Variants in SPOPL observed in about 807,000 individuals in gnomAD.
SPOPL encodes speckle-type POZ protein-like.
A neutral mutation model predicts 53.8 loss-of-function variants in SPOPL; 23 were observed. The ratio of observed to expected loss-of-function variants is 0.43; its 90% CI spans 0.31 to 0.61. The LOEUF (loss-of-function observed/expected upper bound fraction) is 0.61. Among genes scored for constraint, SPOPL ranks in the 20% least tolerant of loss-of-function variants. The probability of loss-of-function intolerance (pLI) is 0.12; values close to 1 mark genes in which losing one functional copy is unlikely to be tolerated. For synonymous variants in SPOPL, 164 were observed against 149.7 expected (o/e 1.10, Z -0.70); for missense variants, 442 against 466.9 (o/e 0.95, Z 0.49).
intron 1 of SPOPL, among the ~76,000 whole-genome samples, chr2:138,536,661 G>T (rs1573888112): frequency 6.6e-6 from 1 of 150,904 alleles, no homozygotes; most frequent in South Asian, 2.1e-4. Context: ...GTTTTTTTTT[G>T]GGCAAATCAG....
intron 10 of SPOPL, among the ~76,000 whole-genome samples, chr2:138,565,871 C>T (rs28615772): frequency 0.11 from 17,322 of 151,258 alleles, 1,304 homozygotes; most frequent in African/African-American, 0.2. Flanking sequence ...GTAGCTGGAA[C>T]TACAGGCGCC....
intron 1 of SPOPL, among the ~76,000 whole-genome samples, chr2:138,527,110 C>T (rs534433360): frequency 6.6e-6 from 1 of 152,216 alleles, no homozygotes; most frequent in African/African-American, 2.4e-5. Context: ...TTTAGTCTGA[C>T]TTGTTCCTTT....
rs941694565 is a variant in SPOPL at position 138,571,218 on chromosome 2, T to C, written c.*2138T>C. On this transcript the variant is annotated 3_prime_UTR_variant, in exon 11 of 11. Transcript: ENST00000280098. The stretch of plus-strand genomic sequence containing the variant: ...ATGTTGTCATATATCAGAAAAGTAC[T>C]GATGTATCCATTTATATCCAATGCG... The C allele has an allele frequency of 6.6e-6, 1 of 152,428 alleles. No homozygotes were observed. Among genetic ancestry groups the C allele is most frequent in the Non-Finnish European group, 1.5e-5 (1 of 68,026 alleles). The allele number at this position is 152,428 out of a possible 1,614,324, so 9.4% of individuals were successfully genotyped here. A position where few individuals can be genotyped will look rare whatever the true frequency, so the allele number is the denominator to read the frequency against.
intron 1 of SPOPL, among the ~76,000 whole-genome samples, 198 bp from the exon 2 acceptor site, chr2:138,549,959 A>G (rs1260485645): frequency 6.6e-6 from 1 of 152,116 alleles, no homozygotes; most frequent in Non-Finnish European, 1.5e-5. Context: ...TATAAATACT[A>G]AGTTTGTTTA....
chr2:138,535,744 TCTC>T (rs1260672317), intron 1 of SPOPL, among the ~76,000 whole-genome samples: 2 of 152,096 alleles, frequency 1.3e-5, no homozygotes. Flanking sequence ...CTGTCTTTCT[TCTC>T]CTTCTGATAC....
rs1305495096 is a variant in SPOPL at position 138,564,953 on chromosome 2, C to G, written c.994C>G (p.Arg332Gly). Residue 332 changes from arginine (R) to glycine (G), a missense_variant, in exon 10 of 11, where the codon CGA becomes GGA. Transcript: ENST00000280098. ...TCTTCAATGCAGGTGCAGTGTACTT[C>G]GACAACTTGGGTGTAAAGATGGGAA... is the stretch of plus-strand genomic sequence containing the variant. ...IDFINRCSVL[R>G]QLGCKDGKNW... 6.2e-7 allele frequency: 1 copy of G among 1,613,984 alleles called. No homozygotes were observed.
chr2:138,539,560 G>T (rs1285524204), intron 1 of SPOPL, among the ~76,000 whole-genome samples: 2 of 151,826 alleles, frequency 1.3e-5, no homozygotes, highest in Non-Finnish European at 2.9e-5. Context: ...TTTGAGAACT[G>T]TTGGTTCATA....
intron 1 of SPOPL, among the ~76,000 whole-genome samples, chr2:138,510,154 G>A (rs1684296716): frequency 6.6e-6 from 1 of 152,094 alleles, no homozygotes; most frequent in South Asian, 2.1e-4. Flanking sequence ...TACAAGTTTT[G>A]CAGATTATGA....
At chr2:138,527,591 T>C (rs936920133) in intron 1 of SPOPL, among the ~76,000 whole-genome samples, 5 of 152,234 alleles carry the variant, frequency 3.3e-5, no homozygotes, top group African/African-American at 1.2e-4. Flanking sequence ...AATTGTACTT[T>C]AAGAGAAATT....
At chr2:138,509,160 A>G (rs1322725409) in intron 1 of SPOPL, among the ~76,000 whole-genome samples, 5 of 152,170 alleles carry the variant, frequency 3.3e-5, no homozygotes. Context: ...GTATATGTAT[A>G]TATACCTAAA....
At chr2:138,549,589 T>G (rs1313136862) in intron 1 of SPOPL, among the ~76,000 whole-genome samples, 1 of 152,142 alleles carries the variant, frequency 6.6e-6, no homozygotes, top group African/African-American at 2.4e-5. Context: ...AGAAGCACTC[T>G]GTTAGGGATG....
intron 1 of SPOPL, among the ~76,000 whole-genome samples, chr2:138,530,826 G>A (rs1684789752): frequency 6.6e-6 from 1 of 151,736 alleles, no homozygotes; most frequent in Non-Finnish European, 1.5e-5. Context: ...TTGCCTTAAG[G>A]TACTGGATAG....
chr2:138,536,342 C>CA, intron 1 of SPOPL, among the ~76,000 whole-genome samples: 1 of 76,692 alleles, frequency 1.3e-5, no homozygotes, highest in African/African-American at 5.5e-5. Context: ...TTAGTGCCCC[C>CA]CCCCCACACA....
At chr2:138,503,654 G>A (rs1279128374) in intron 1 of SPOPL, among the ~76,000 whole-genome samples, 2 of 152,176 alleles carry the variant, frequency 1.3e-5, no homozygotes, top group African/African-American at 4.8e-5. Context: ...GCTACAGATA[G>A]GTCAGTCCTT....
chr2:138,525,866 A>G (rs1367627790), intron 1 of SPOPL, among the ~76,000 whole-genome samples: 1 of 151,524 alleles, frequency 6.6e-6, no homozygotes, highest in Non-Finnish European at 1.5e-5. Flanking sequence ...TAATTGTATC[A>G]ATTTTTGCAT....
chr2:138,520,366 C>T (rs1250361958), intron 1 of SPOPL, among the ~76,000 whole-genome samples: 1 of 152,132 alleles, frequency 6.6e-6, no homozygotes, highest in South Asian at 2.1e-4. Context: ...CTGGATGATC[C>T]TGTTCCTTTT....
At chr2:138,548,469 G>A (rs971513929) in intron 1 of SPOPL, among the ~76,000 whole-genome samples, 3 of 151,904 alleles carry the variant, frequency 2.0e-5, no homozygotes, top group African/African-American at 7.2e-5. Flanking sequence ...GAAATAATAA[G>A]GGAGATTATT....
intron 5 of SPOPL, among the ~76,000 whole-genome samples, chr2:138,556,550 A>G (rs919929026): frequency 6.6e-6 from 1 of 152,172 alleles, no homozygotes; most frequent in African/African-American, 2.4e-5. Flanking sequence ...CCCTTACGAA[A>G]CCTTGAATAT....
intron 1 of SPOPL, among the ~76,000 whole-genome samples, chr2:138,504,832 A>C (rs79313992): frequency 0.011 from 1,654 of 152,340 alleles, 34 homozygotes; most frequent in African/African-American, 0.037. Flanking sequence ...GAAGAGTAAT[A>C]TGCAGTCTCT....
Sources: allele counts gnomAD v4.1 joint callset (sites outside exome capture counted in the v4.1 genomes callset), GRCh38; gene constraint gnomAD v4.1.1; transcripts MANE v1.5; gene names NCBI Gene and HGNC (gene_info 2026-07-23, HGNC 2026-07-21).